The following MARCHF1 variants were observed in gnomAD, a reference collection of about 807,000 sequenced individuals.
MARCHF1 encodes E3 ubiquitin-protein ligase MARCHF1.
In MARCHF1, 40 loss-of-function variants were observed where a neutral mutation model predicts 54.2. That is an observed-to-expected ratio of 0.74 (90% confidence interval 0.57 to 0.96). The LOEUF is 0.96. MARCHF1 is among the 40% of genes least tolerant of loss of function. The probability of loss-of-function intolerance (pLI) is 0.00; values close to 1 mark genes in which losing one functional copy is unlikely to be tolerated. For missense variants in MARCHF1, 586 were observed against 656.5 expected (o/e 0.89, Z 1.17); for synonymous variants, 236 against 236.3 (o/e 1.00, Z 0.01).
intron 3 of MARCHF1, among the ~76,000 whole-genome samples, chr4:163,862,806 A>G (rs1749968607): frequency 6.6e-6 from 1 of 152,140 alleles, no homozygotes; most frequent in Non-Finnish European, 1.5e-5. Context: ...AAAAACTGGA[A>G]GCAACAAACA....
At chr4:163,959,514 G>A (rs1031253318) in intron 3 of MARCHF1, among the ~76,000 whole-genome samples, 4 of 151,646 alleles carry the variant, frequency 2.6e-5, no homozygotes, top group Non-Finnish European at 3.0e-5. Flanking sequence ...AAAACCACAC[G>A]TTTATGACCA....
intron 8 of MARCHF1, among the ~76,000 whole-genome samples, chr4:163,576,955 T>C (rs975350600): frequency 3.9e-5 from 6 of 152,138 alleles, no homozygotes; most frequent in African/African-American, 1.4e-4. Context: ...TGTCGTTACA[T>C]GTGAGATGGG....
At chr4:163,860,794 C>A (rs1749907434) in intron 3 of MARCHF1, among the ~76,000 whole-genome samples, 1 of 152,154 alleles carries the variant, frequency 6.6e-6, no homozygotes, top group Admixed American at 6.5e-5. Context: ...TAGTAGGGCA[C>A]TACAAGAATT....
At chr4:164,187,461 T>C (rs1731000610) in intron 1 of MARCHF1, among the ~76,000 whole-genome samples, 1 of 152,168 alleles carries the variant, frequency 6.6e-6, no homozygotes, top group South Asian at 2.1e-4. Flanking sequence ...GCCATGTGTA[T>C]AGTATCTACC....
intron 2 of MARCHF1, among the ~76,000 whole-genome samples, chr4:164,007,624 A>T (rs1753322484): frequency 9.3e-6 from 1 of 107,902 alleles, no homozygotes; most frequent in South Asian, 3.4e-4. Context: ...AACATGTAGA[A>T]TTTATTTCTC....
At chr4:164,019,217 C>T (rs1335175976) in intron 2 of MARCHF1, among the ~76,000 whole-genome samples, 1 of 152,144 alleles carries the variant, frequency 6.6e-6, no homozygotes, top group African/African-American at 2.4e-5. Flanking sequence ...AGCTATAACA[C>T]CTGTTGAGTG....
chr4:164,271,750 G>A (rs187070273), intron 1 of MARCHF1, among the ~76,000 whole-genome samples: 4,363 of 152,074 alleles, frequency 0.029, 97 homozygotes, highest in Middle Eastern at 0.041. Flanking sequence ...GAGAATTTTT[G>A]TTACTTTTGG....
chr4:164,207,204 G>A (rs896122352), intron 1 of MARCHF1, among the ~76,000 whole-genome samples: 2 of 152,142 alleles, frequency 1.3e-5, no homozygotes, highest in Non-Finnish European at 2.9e-5. Context: ...GTTTTACAAT[G>A]CATAAAAACA....
chr4:164,369,306 G>A (rs772713091), intron 1 of MARCHF1, among the ~76,000 whole-genome samples: 1 of 152,072 alleles, frequency 6.6e-6, no homozygotes. Flanking sequence ...TCTCACTACC[G>A]TGCTATGGAC....
intron 1 of MARCHF1, chr4:164,190,372 T>C: frequency 1.8e-6 from 1 of 542,976 alleles, no homozygotes; most frequent in Non-Finnish European, 3.3e-6. Context: ...TTGTAAATAC[T>C]GGACTCAGGA....
At position 164,314,282 on chromosome 4, in the gene MARCHF1, A is replaced by G. The variant is rs577017648; in HGVS notation, c.-323+69588T>C. On this transcript the variant is annotated intron_variant, in intron 1 of 9. Coordinates refer to ENST00000514618, the MANE Select transcript of MARCHF1 (RefSeq NM_001394959.1). ...AGCTTGTTACTTATCTTTTATCTTA[A>G]TTGCTAGCAAGAGAGAGCCATATAA... is the stretch of plus-strand genomic sequence containing the variant. Among the ~76,000 whole-genome samples the G allele has an allele frequency of 4.6e-5, 7 of 152,298 alleles. No individual in the cohort carries two copies. In the South Asian group the frequency reaches 1.5e-3, roughly 32 times the overall value.
chr4:163,724,210 T>C (rs562847454), intron 4 of MARCHF1, among the ~76,000 whole-genome samples: 51 of 152,346 alleles, frequency 3.3e-4, no homozygotes, highest in Non-Finnish European at 3.4e-4. Flanking sequence ...TTGGTGTGGA[T>C]GTCCTTACTG....
chr4:164,146,384 A>T (rs576608359), intron 1 of MARCHF1, among the ~76,000 whole-genome samples: 3 of 152,090 alleles, frequency 2.0e-5, no homozygotes, highest in Admixed American at 2.0e-4. Flanking sequence ...GAACCAAAAG[A>T]ACAAAGCTGG....
chr4:164,353,899 A>T (rs372312193), intron 1 of MARCHF1, among the ~76,000 whole-genome samples: 1 of 127,550 alleles, frequency 7.8e-6, no homozygotes, highest in Non-Finnish European at 1.7e-5. Context: ...GAGAAGAATC[A>T]AATAGACACA....
chr4:164,118,661 G>T (rs1233756191), intron 1 of MARCHF1, among the ~76,000 whole-genome samples: 2 of 151,300 alleles, frequency 1.3e-5, no homozygotes, highest in African/African-American at 4.9e-5. Context: ...CAATACAGGA[G>T]CCATAGCTAA....
At chr4:164,358,548 A>G (rs2110916275) in intron 1 of MARCHF1, among the ~76,000 whole-genome samples, 1 of 152,306 alleles carries the variant, frequency 6.6e-6, no homozygotes. Flanking sequence ...TTTCAACATG[A>G]ATTTTGCTTT....
At chr4:163,898,397 G>A (rs1247155424) in intron 3 of MARCHF1, among the ~76,000 whole-genome samples, 2 of 151,990 alleles carry the variant, frequency 1.3e-5, no homozygotes, top group African/African-American at 4.8e-5. Flanking sequence ...TTTCTCAATA[G>A]AAGAAATATG....
intron 1 of MARCHF1, among the ~76,000 whole-genome samples, chr4:164,345,585 A>C (rs1056457828): frequency 7.8e-5 from 9 of 114,772 alleles, no homozygotes; most frequent in African/African-American, 2.9e-4. Context: ...TAATAATAAT[A>C]ATAATAATAA....
intron 1 of MARCHF1, among the ~76,000 whole-genome samples, chr4:164,211,367 C>T (rs1361099363): frequency 7.0e-6 from 1 of 142,144 alleles, no homozygotes; most frequent in Non-Finnish European, 1.5e-5. Context: ...CACATTGCAA[C>T]CTGCATATTT....
Sources: allele counts gnomAD v4.1 joint callset (sites outside exome capture counted in the v4.1 genomes callset), GRCh38; gene constraint gnomAD v4.1.1; transcripts MANE v1.5; gene names NCBI Gene and HGNC (gene_info 2026-07-23, HGNC 2026-07-21).